Variants in GLDC observed in about 807,000 individuals in gnomAD.
GLDC encodes glycine dehydrogenase (decarboxylating), mitochondrial.
GLDC carries 104 observed loss-of-function variants against 121.3 expected under a neutral mutation model. The observed-to-expected ratio is 0.86, with a 90% CI of 0.73 to 1.01. The LOEUF (loss-of-function observed/expected upper bound fraction) is 1.01. Among genes scored for constraint, GLDC ranks in the 50% least tolerant of loss-of-function variants. The probability of loss-of-function intolerance (pLI) is 0.00; values close to 1 mark genes in which losing one functional copy is unlikely to be tolerated. For synonymous variants in GLDC, 546 were observed against 480.6 expected (o/e 1.14, Z -1.78); for missense variants, 1,429 against 1,306.6 (o/e 1.09, Z -1.44).
At chr9:6,619,434 T>C (rs1003083395) in intron 3 of GLDC, among the ~76,000 whole-genome samples, 2 of 151,868 alleles carry the variant, frequency 1.3e-5, no homozygotes, top group Admixed American at 1.3e-4. Flanking sequence ...CCCTTAAAAA[T>C]CCTGACAGAA....
intron 24 of GLDC, 84 bp downstream of exon 24, chr9:6,534,624 T>G (rs1817078861): frequency 1.3e-6 from 1 of 753,102 alleles, no homozygotes. Flanking sequence ...GTTTCTGTAA[T>G]CATGAGGCTA....
Position 6,604,573 on chromosome 9 carries a change from C to T in GLDC, c.1058+15G>A. Reference sequence around the variant, plus strand: ...CATAATCACAATAAAAGTAGAGAAACATGAGCCCCTTTACCTTGTTACCCC... The same window carrying T: ...CATAATCACAATAAAAGTAGAGAAATATGAGCCCCTTTACCTTGTTACCCC... On this transcript the variant is annotated intron_variant, in intron 7 of 24. Transcript: ENST00000321612. The T allele has an allele frequency of 1.3e-6, 2 of 1,599,614 alleles. No individual in the cohort carries two copies. The highest frequency in any genetic ancestry group is 1.1e-5 in the South Asian group (1 of 90,690).
chr9:6,610,213 T>G lies in GLDC; in HGVS notation c.614A>C (p.Glu205Ala). 1.2e-6 allele frequency: 2 copies of G among 1,612,620 alleles called. No homozygotes were observed. The highest frequency in any genetic ancestry group is 2.2e-5 in the South Asian group (2 of 90,604). ...SLLDEGTAAA[E>A]ALQLCYRHNK... is the part of the protein sequence containing the mutation. The stretch of plus-strand genomic sequence containing the variant: ...TCACCTGTAGCACAGCTGCAGTGCC[T>G]CTGCGGCTGCAGTCCCCTCATCCAG... Residue 205 changes from glutamate to alanine, a missense_variant, in exon 4 of 25, where the codon GAG (glutamate) becomes GCG (alanine). Glu to Ala is a moderately radical substitution (Grantham distance 107, BLOSUM62 -1). Transcript: ENST00000321612.
intron 2 of GLDC, among the ~76,000 whole-genome samples, chr9:6,643,204 C>T (rs1563876704): frequency 6.6e-6 from 1 of 151,888 alleles, no homozygotes; most frequent in Non-Finnish European, 1.5e-5. Context: ...AGCCAGGATT[C>T]TGATTTTCTA....
intron 16 of GLDC, among the ~76,000 whole-genome samples, chr9:6,561,985 T>C (rs977838615): frequency 1.3e-5 from 2 of 152,246 alleles, no homozygotes; most frequent in African/African-American, 4.8e-5. Flanking sequence ...TTTGTTGATT[T>C]ACATATAACA....
intron 3 of GLDC, among the ~76,000 whole-genome samples, chr9:6,610,590 G>GT (rs1305642745): frequency 1.3e-5 from 2 of 152,022 alleles, no homozygotes; most frequent in Non-Finnish European, 2.9e-5. Context: ...CTCTGGTGTT[G>GT]TTTTTTTGTT....
chr9:6,600,651 C>T (rs1056083705), intron 8 of GLDC, among the ~76,000 whole-genome samples: 4 of 149,554 alleles, frequency 2.7e-5, no homozygotes, highest in African/African-American at 5.0e-5. Flanking sequence ...ACCTGGGTGA[C>T]GCAGGAACAG....
intron 20 of GLDC, among the ~76,000 whole-genome samples, chr9:6,552,935 C>CCT (rs565837664): frequency 2.0e-5 from 3 of 151,952 alleles, no homozygotes; most frequent in East Asian, 1.9e-4. Flanking sequence ...TCTGGCCCCC[C>CCT]CCAAGAAATA....
intron 21 of GLDC, among the ~76,000 whole-genome samples, chr9:6,545,630 C>G (rs1484808360): frequency 1.3e-5 from 2 of 151,970 alleles, no homozygotes; most frequent in Non-Finnish European, 2.9e-5. Context: ...ATAAATTAAC[C>G]TTAGCTTACT....
In GLDC at chr9:6,623,959, G is replaced by T. The variant is rs552843486; in HGVS notation, c.335-3640C>A. ...TTCAATTATGATCCTGTGCAGGGGG[G>T]ACAGGTCCCTGTTCTGCGTTGGTCC... On this transcript the variant is annotated intron_variant, in intron 2 of 24. Coordinates refer to ENST00000321612, the MANE Select transcript of GLDC (RefSeq NM_000170.3). 1.7e-4 allele frequency among the ~76,000 whole-genome samples: 26 copies of T among 152,316 alleles called. No homozygotes were observed. In the South Asian group the frequency reaches 5.0e-3, roughly 29 times the overall value.
At chr9:6,633,358 A>C (rs1819430549) in intron 2 of GLDC, among the ~76,000 whole-genome samples, 1 of 152,052 alleles carries the variant, frequency 6.6e-6, no homozygotes, top group Non-Finnish European at 1.5e-5. Flanking sequence ...ATTCTCATGA[A>C]TTTGTCGGAA....
At chr9:6,598,611 C>T (rs1392197649) in intron 8 of GLDC, among the ~76,000 whole-genome samples, 2 of 152,168 alleles carry the variant, frequency 1.3e-5, no homozygotes, top group Non-Finnish European at 2.9e-5. Context: ...CACCAGTCAT[C>T]TCCTAACAAA....
At chr9:6,594,880 G>T in intron 9 of GLDC, 134 bp downstream of exon 9, 1 of 717,114 alleles carries the variant, frequency 1.4e-6, no homozygotes, top group East Asian at 2.5e-5. Flanking sequence ...AATCATGGAT[G>T]TTGAAAGTAT....
chr9:6,635,616 C>T (rs1328612005), intron 2 of GLDC, among the ~76,000 whole-genome samples: 2 of 152,062 alleles, frequency 1.3e-5, no homozygotes, highest in South Asian at 4.1e-4. Flanking sequence ...CTCACACTTA[C>T]AACCCCAGCA....
intron 15 of GLDC, among the ~76,000 whole-genome samples, chr9:6,582,302 T>C (rs1244004140): frequency 6.9e-6 from 1 of 145,836 alleles, no homozygotes; most frequent in African/African-American, 2.6e-5. Flanking sequence ...GCAGATCACC[T>C]GAGGTCAGGA....
At chr9:6,614,865 C>T (rs1445585408) in intron 3 of GLDC, among the ~76,000 whole-genome samples, 2 of 152,182 alleles carry the variant, frequency 1.3e-5, no homozygotes, top group African/African-American at 4.8e-5. Flanking sequence ...CACTCCCAGG[C>T]TACCAACATG....
At chr9:6,638,533 A>G (rs1417366686) in intron 2 of GLDC, among the ~76,000 whole-genome samples, 1 of 152,086 alleles carries the variant, frequency 6.6e-6, no homozygotes, top group African/African-American at 2.4e-5. Flanking sequence ...GCTTCTTTAC[A>G]TTGAGAAGAT....
intron 3 of GLDC, among the ~76,000 whole-genome samples, chr9:6,612,169 G>C (rs779311950): frequency 2.8e-5 from 4 of 141,818 alleles, no homozygotes; most frequent in Non-Finnish European, 6.0e-5. Flanking sequence ...CCATTCTGTT[G>C]TATACACACA....
intron 21 of GLDC, among the ~76,000 whole-genome samples, chr9:6,546,130 C>A (rs1192338146): frequency 6.6e-6 from 1 of 151,994 alleles, no homozygotes; most frequent in Non-Finnish European, 1.5e-5. Context: ...AAAACTAAGA[C>A]ACAAACACAC....
Sources: allele counts gnomAD v4.1 joint callset (sites outside exome capture counted in the v4.1 genomes callset), GRCh38; gene constraint gnomAD v4.1.1; transcripts MANE v1.5; gene names NCBI Gene and HGNC (gene_info 2026-07-23, HGNC 2026-07-21).